IL1RAPL2: variants seen among roughly 807,000 people sequenced by gnomAD.
IL1RAPL2 encodes the protein interleukin 1 receptor accessory protein like 2.
Under a neutral mutation model 44.1 loss-of-function variants are expected in IL1RAPL2, and 3 were observed. The observed-to-expected ratio is 0.07, with a 90% CI of 0.03 to 0.18. IL1RAPL2 has a LOEUF of 0.18. IL1RAPL2 is among the 10% of genes least tolerant of loss of function. The pLI, the probability that IL1RAPL2 is intolerant of heterozygous loss-of-function variation, is 1.00. For synonymous variants in IL1RAPL2, 181 were observed against 178.8 expected, an observed-to-expected ratio of 1.01 and a Z score of -0.10; for missense variants, 391 against 496.4, an observed-to-expected ratio of 0.79 and a Z score of 2.02.
chrX:104,701,576 T>A (rs1330647136), intron 2 of IL1RAPL2, among the ~76,000 whole-genome samples: 2 of 111,720 alleles, frequency 1.8e-5, no homozygotes, highest in Non-Finnish European at 3.8e-5. Flanking sequence ...ACCATCAGAG[T>A]CCATCAAGTA....
chrX:104,792,872 A>G, intron 2 of IL1RAPL2, among the ~76,000 whole-genome samples: 1 of 112,261 alleles, frequency 8.9e-6, no homozygotes, highest in Non-Finnish European at 1.9e-5. Context: ...TTTAAAATGG[A>G]TTTCCATCCA....
At chrX:105,213,675 G>A (rs111873770) in intron 3 of IL1RAPL2, among the ~76,000 whole-genome samples, 6,140 of 110,397 alleles carry the variant, frequency 0.056, 429 homozygotes, top group African/African-American at 0.19. Context: ...ACACATAATC[G>A]TCAGATTCTC....
intron 2 of IL1RAPL2, among the ~76,000 whole-genome samples, chrX:105,160,790 A>G (rs2033316378): frequency 8.9e-6 from 1 of 112,257 alleles, no homozygotes; most frequent in East Asian, 2.8e-4. Context: ...CTGCTTTTAA[A>G]CTGGACAAGT....
At chrX:105,473,875 C>T (rs796990811) in intron 5 of IL1RAPL2, among the ~76,000 whole-genome samples, 1 of 111,654 alleles carries the variant, frequency 9.0e-6, no homozygotes, top group Admixed American at 9.5e-5. Context: ...TATGTTATTC[C>T]ATATGACAGC....
At chrX:105,623,643 T>G (rs1231385321) in intron 6 of IL1RAPL2, among the ~76,000 whole-genome samples, 2 of 111,327 alleles carry the variant, frequency 1.8e-5, no homozygotes, top group Non-Finnish European at 3.8e-5. Context: ...TGTCATCTGT[T>G]GTGGACTAGA....
intron 5 of IL1RAPL2, among the ~76,000 whole-genome samples, chrX:105,328,273 A>C (rs943721738): frequency 3.6e-5 from 4 of 111,716 alleles, no homozygotes; most frequent in African/African-American, 1.3e-4. Flanking sequence ...TTAACATTTC[A>C]AAAATATTAT....
At chrX:104,941,904 A>T (rs1424938607) in intron 2 of IL1RAPL2, among the ~76,000 whole-genome samples, 1 of 111,973 alleles carries the variant, frequency 8.9e-6, no homozygotes, top group African/African-American at 3.3e-5. Context: ...ATCCAGATTC[A>T]GCTTTCTACA....
intron 2 of IL1RAPL2, among the ~76,000 whole-genome samples, chrX:104,736,736 T>G (rs924653461): frequency 1.4e-4 from 16 of 112,222 alleles, no homozygotes; most frequent in African/African-American, 5.2e-4. Flanking sequence ...CTGACCAAAT[T>G]TTTGCCAAGA....
At chrX:104,631,803 C>G (rs1238810780) in intron 1 of IL1RAPL2, among the ~76,000 whole-genome samples, 1 of 110,669 alleles carries the variant, frequency 9.0e-6, no homozygotes, top group Non-Finnish European at 1.9e-5. Context: ...CCTGTTCACT[C>G]TGATGGTAGT....
chrX:104,674,026 C>T (rs1380583319), intron 2 of IL1RAPL2, among the ~76,000 whole-genome samples: 3 of 111,458 alleles, frequency 2.7e-5, no homozygotes, highest in Non-Finnish European at 5.7e-5. Context: ...TCTAGATATA[C>T]AATCATGTCA....
intron 2 of IL1RAPL2, among the ~76,000 whole-genome samples, chrX:104,680,427 A>G (rs754858263): frequency 2.7e-5 from 3 of 111,311 alleles, no homozygotes; most frequent in Non-Finnish European, 3.8e-5. Flanking sequence ...ATGATCCTCA[A>G]TCAGGGATAA....
At chrX:105,017,828 A>C (rs771785216) in intron 2 of IL1RAPL2, among the ~76,000 whole-genome samples, 19 of 110,521 alleles carry the variant, frequency 1.7e-4, no homozygotes, top group Non-Finnish European at 1.1e-4. Flanking sequence ...GGTAAGAGGA[A>C]GACTGTTTAC....
intron 6 of IL1RAPL2, among the ~76,000 whole-genome samples, chrX:105,686,996 G>T (rs2037984448): frequency 9.0e-6 from 1 of 111,539 alleles, no homozygotes; most frequent in Non-Finnish European, 1.9e-5. Flanking sequence ...CAAAATGAAG[G>T]CAGAAATAAA....
At chrX:104,611,792 G>C (rs1039387176) in intron 1 of IL1RAPL2, among the ~76,000 whole-genome samples, 12 of 94,140 alleles carry the variant, frequency 1.3e-4, no homozygotes, top group African/African-American at 5.1e-4. Context: ...AGCCAAGATC[G>C]CGCCACTGCA....
chrX:105,261,815 T>C (rs2034361973), intron 4 of IL1RAPL2, among the ~76,000 whole-genome samples: 1 of 111,357 alleles, frequency 9.0e-6, no homozygotes, highest in Admixed American at 9.6e-5. Flanking sequence ...TCCTAATTGA[T>C]GTGTTGGTAA....
At chrX:105,583,139 G>GTT (rs779253494) in intron 6 of IL1RAPL2, among the ~76,000 whole-genome samples, 112 of 97,849 alleles carry the variant, frequency 1.1e-3, no homozygotes, top group East Asian at 1.6e-3. Flanking sequence ...AATTTTTTTT[G>GTT]TTTTTTTTTT....
chrX:104,974,012 T>A (rs2147722647), intron 2 of IL1RAPL2, among the ~76,000 whole-genome samples: 1 of 112,083 alleles, frequency 8.9e-6, no homozygotes, highest in East Asian at 2.8e-4. Context: ...AAAATTATTC[T>A]TTTTTTCCAG....
intron 2 of IL1RAPL2, among the ~76,000 whole-genome samples, chrX:104,783,728 A>G (rs755315667): frequency 3.7e-5 from 4 of 108,097 alleles, no homozygotes; most frequent in Non-Finnish European, 5.7e-5. Context: ...ACAGCTCTGT[A>G]TCTTCAATGT....
intron 2 of IL1RAPL2, among the ~76,000 whole-genome samples, chrX:104,708,673 G>A (rs770868580): frequency 1.8e-5 from 2 of 111,351 alleles, no homozygotes; most frequent in Non-Finnish European, 3.8e-5. Flanking sequence ...GAACTGTGGT[G>A]TGACTGAGAG....
Sources: allele counts gnomAD v4.1 joint callset (sites outside exome capture counted in the v4.1 genomes callset), GRCh38; gene constraint gnomAD v4.1.1; transcripts MANE v1.5; gene names NCBI Gene and HGNC (gene_info 2026-07-23, HGNC 2026-07-21).